The following PDE1A variants were observed in gnomAD, a reference collection of about 807,000 sequenced individuals.
PDE1A encodes the protein dual specificity calcium/calmodulin-dependent 3',5'-cyclic nucleotide phosphodiesterase 1A.
Under a neutral mutation model 61.7 loss-of-function variants are expected in PDE1A, and 35 were observed. The observed-to-expected ratio is 0.57, with a 90% confidence interval of 0.43 to 0.75. PDE1A has a LOEUF of 0.75. Ranked by LOEUF, PDE1A falls within the 30% of genes least tolerant of loss-of-function variation. The pLI is 0.00. For synonymous variants in PDE1A, 232 were observed against 213.2 expected (o/e 1.09, Z -0.77); for missense variants, 597 against 630.6 (o/e 0.95, Z 0.57).
the PDE1A span, among the ~76,000 whole-genome samples, chr2:182,595,861 T>C: frequency 5.9e-5 from 9 of 152,168 alleles, no homozygotes; most frequent in Admixed American, 1.3e-4. Context: ...GACTATAACA[T>C]TGGCCTCCTG....
chr2:182,532,971 A>AAAAAAAAAC, the PDE1A span, among the ~76,000 whole-genome samples: 1 of 149,546 alleles, frequency 6.7e-6, no homozygotes, highest in Non-Finnish European at 1.5e-5. Context: ...AAAAAAAAAA[A>AAAAAAAAAC]AACAATGAAT....
At chr2:182,294,596 G>A (rs909109019) in intron 1 of PDE1A, among the ~76,000 whole-genome samples, 1 of 152,142 alleles carries the variant, frequency 6.6e-6, no homozygotes, top group Non-Finnish European at 1.5e-5. Context: ...CCCATAGGCA[G>A]CCATATTTAA....
At chr2:182,508,804 A>AT (rs1404105715) in intron 2 of PDE1A, among the ~76,000 whole-genome samples, 1 of 103,622 alleles carries the variant, frequency 9.7e-6, no homozygotes, top group Non-Finnish European at 2.0e-5. Context: ...ATTTTATTTT[A>AT]TTTTTTATTT....
chr2:182,479,593 T>C (rs1687582047), intron 2 of PDE1A, among the ~76,000 whole-genome samples: 1 of 151,510 alleles, frequency 6.6e-6, no homozygotes, highest in Non-Finnish European at 1.5e-5. Flanking sequence ...TTTGATCTAG[T>C]CCTAAAGGAT....
At chr2:182,460,283 G>A (rs1361730823) in intron 2 of PDE1A, among the ~76,000 whole-genome samples, 1 of 152,078 alleles carries the variant, frequency 6.6e-6, no homozygotes, top group South Asian at 2.1e-4. Flanking sequence ...TCGGTGACAG[G>A]TGCACATTCA....
chr2:182,644,291 G>GTGTC, the PDE1A span, among the ~76,000 whole-genome samples: 9 of 148,856 alleles, frequency 6.0e-5, no homozygotes, highest in East Asian at 4.1e-4. Context: ...GTGTGTGTGT[G>GTGTC]TGTGTGTGTC....
At chr2:182,186,325 A>G (rs999671043) in intron 12 of PDE1A, 143 bp downstream of exon 12, 2 of 988,364 alleles carry the variant, frequency 2.0e-6, no homozygotes, top group Admixed American at 2.7e-5. Flanking sequence ...CAGATGCAAT[A>G]TAATATAAAG....
At chr2:182,195,709 T>C (rs928002060) in intron 10 of PDE1A, among the ~76,000 whole-genome samples, 8 of 152,080 alleles carry the variant, frequency 5.3e-5, no homozygotes, top group Admixed American at 4.6e-4. Context: ...CAAATTGCTT[T>C]GTAAAAGTGC....
At chr2:182,191,255 A>G (rs955785567) in intron 10 of PDE1A, among the ~76,000 whole-genome samples, 2 of 152,084 alleles carry the variant, frequency 1.3e-5, no homozygotes, top group Admixed American at 1.3e-4. Flanking sequence ...GCGAATGGAA[A>G]GGAGGAGTCT....
At chr2:182,549,809 G>A in the PDE1A span, among the ~76,000 whole-genome samples, 1 of 152,012 alleles carries the variant, frequency 6.6e-6, no homozygotes, top group Non-Finnish European at 1.5e-5. Flanking sequence ...CTTATAGACA[G>A]GGTTATTAAA....
intron 2 of PDE1A, among the ~76,000 whole-genome samples, chr2:182,515,994 G>GTA (rs1553636541): frequency 0.015 from 2,150 of 145,778 alleles, 34 homozygotes; most frequent in Middle Eastern, 0.041. Context: ...GTGTGTGTGT[G>GTA]TGTGTGTGTT....
chr2:182,627,783 A>C, the PDE1A span, among the ~76,000 whole-genome samples: 1 of 151,806 alleles, frequency 6.6e-6, no homozygotes, highest in African/African-American at 2.4e-5. Flanking sequence ...TCTCTACTAA[A>C]AATACAAAAA....
intron 2 of PDE1A, among the ~76,000 whole-genome samples, chr2:182,465,135 G>T (rs1025304579): frequency 6.6e-6 from 1 of 151,992 alleles, no homozygotes; most frequent in Non-Finnish European, 1.5e-5. Flanking sequence ...CTAGCGAAAG[G>T]AACAGTGCCT....
chr2:182,716,091 C>T, the PDE1A span: 1,334 of 152,582 alleles, frequency 8.7e-3, 44 homozygotes, highest in East Asian at 0.099. Context: ...CCCTCAGCTC[C>T]GGGTTGGAGC....
the PDE1A span, among the ~76,000 whole-genome samples, chr2:182,666,680 G>C: frequency 6.6e-6 from 1 of 151,854 alleles, no homozygotes; most frequent in Non-Finnish European, 1.5e-5. Flanking sequence ...AAGAAACAGA[G>C]ATTTTGCCAA....
At chr2:182,441,122 C>A (rs971619164) in intron 2 of PDE1A, among the ~76,000 whole-genome samples, 5 of 151,966 alleles carry the variant, frequency 3.3e-5, no homozygotes, top group Admixed American at 1.3e-4. Context: ...GCAGGCAAGA[C>A]GGCTTGTGCA....
intron 2 of PDE1A, among the ~76,000 whole-genome samples, chr2:182,501,385 T>C (rs529763752): frequency 3.9e-5 from 6 of 152,310 alleles, no homozygotes; most frequent in Non-Finnish European, 7.4e-5. Flanking sequence ...TAACTTCTAT[T>C]GTTGTATAGG....
the PDE1A span, among the ~76,000 whole-genome samples, chr2:182,561,379 T>C: frequency 1.3e-5 from 2 of 152,106 alleles, no homozygotes; most frequent in Non-Finnish European, 2.9e-5. Context: ...TATGAGGTGT[T>C]ATTTCTGAGG....
the PDE1A span, among the ~76,000 whole-genome samples, chr2:182,636,862 A>G: frequency 2.6e-5 from 4 of 151,994 alleles, no homozygotes; most frequent in African/African-American, 9.7e-5. Context: ...TAAGGTCCCT[A>G]TTTCCTTGCT....
Sources: gnomAD v4.1 joint callset for allele counts (sites outside exome capture counted in the v4.1 genomes callset) on GRCh38, gnomAD v4.1.1 for gene constraint, MANE v1.5 for transcripts, NCBI Gene and HGNC (gene_info 2026-07-23, HGNC 2026-07-21) for gene names.